Variants in ZNF521 observed in about 807,000 individuals in gnomAD.
ZNF521 encodes LYST-interacting protein 3.
In ZNF521, 14 loss-of-function variants were observed where a neutral mutation model predicts 105.5. That is an observed-to-expected ratio of 0.13 (90% confidence interval 0.09 to 0.21). The LOEUF (loss-of-function observed/expected upper bound fraction) is 0.21. Ranked by LOEUF, ZNF521 falls within the 10% of genes least tolerant of loss-of-function variation. ZNF521 has a pLI of 1.00. For missense variants in ZNF521, 1,233 were observed against 1,629.7 expected (o/e 0.76, Z 4.19); for synonymous variants, 635 against 606.0 (o/e 1.05, Z -0.70).
At chr18:25,139,032 G>A (rs1159536976) in intron 5 of ZNF521, among the ~76,000 whole-genome samples, 1 of 152,162 alleles carries the variant, frequency 6.6e-6, no homozygotes, top group African/African-American at 2.4e-5. Flanking sequence ...CTATATGCCT[G>A]TTGGGTTGTT....
intron 7 of ZNF521, among the ~76,000 whole-genome samples, chr18:25,083,245 C>T (rs2033543234): frequency 1.3e-5 from 2 of 152,144 alleles, no homozygotes; most frequent in Non-Finnish European, 1.5e-5. Context: ...CTCCTAATCA[C>T]TTGAAAAAGA....
At chr18:25,283,058 G>A (rs1910479593) in intron 3 of ZNF521, among the ~76,000 whole-genome samples, 1 of 152,204 alleles carries the variant, frequency 6.6e-6, no homozygotes, top group Admixed American at 6.5e-5. Flanking sequence ...GGAAGCAGCT[G>A]GTACCTCTTT....
intron 3 of ZNF521, among the ~76,000 whole-genome samples, chr18:25,287,606 G>GA (rs1165096292): frequency 0.024 from 3,029 of 126,686 alleles, 86 homozygotes; most frequent in African/African-American, 0.073. Context: ...GAGAAATTCA[G>GA]AAAAAAAAAA....
At chr18:25,336,954 A>T (rs1913925018) in intron 2 of ZNF521, among the ~76,000 whole-genome samples, 1 of 152,252 alleles carries the variant, frequency 6.6e-6, no homozygotes, top group African/African-American at 2.4e-5. Flanking sequence ...TCTTTGAATT[A>T]GGTACTAGTA....
intron 3 of ZNF521, among the ~76,000 whole-genome samples, chr18:25,316,918 G>T (rs998303296): frequency 6.9e-6 from 1 of 145,488 alleles, no homozygotes; most frequent in Non-Finnish European, 1.5e-5. Context: ...GCAATGACAC[G>T]ATATCAGCTC....
intron 5 of ZNF521, among the ~76,000 whole-genome samples, chr18:25,149,685 C>A (rs9967300): frequency 0.44 from 66,713 of 151,946 alleles, 14,849 homozygotes; most frequent in South Asian, 0.58. Context: ...TCTGTTGCAA[C>A]CTTTACTTCA....
chr18:25,224,194 TA>T, intron 4 of ZNF521, 150 bp downstream of exon 4: 1 of 746,698 alleles, frequency 1.3e-6, no homozygotes, highest in Non-Finnish European at 2.2e-6. Flanking sequence ...AATTGCTAGC[TA>T]ATGGCTATGG....
intron 5 of ZNF521, among the ~76,000 whole-genome samples, chr18:25,136,444 G>C (rs1040904954): frequency 3.9e-5 from 6 of 152,184 alleles, no homozygotes; most frequent in Admixed American, 1.3e-4. Context: ...ATTACTGTTA[G>C]GTGCTGCTCT....
chr18:25,111,217 AGTTTTCTTT>A (rs2034183707), intron 5 of ZNF521, among the ~76,000 whole-genome samples: 1 of 152,094 alleles, frequency 6.6e-6, no homozygotes, highest in Admixed American at 6.5e-5. Flanking sequence ...TTCCCTGCAA[AGTTTTCTTT>A]ATTTTACATT....
chr18:25,257,048 G>A (rs1342906135), intron 3 of ZNF521, among the ~76,000 whole-genome samples: 1 of 152,082 alleles, frequency 6.6e-6, no homozygotes, highest in Non-Finnish European at 1.5e-5. Flanking sequence ...AGGAAATGAG[G>A]CTAGATGGGG....
At chr18:25,231,100 C>T (rs553004597) in intron 3 of ZNF521, among the ~76,000 whole-genome samples, 3 of 152,262 alleles carry the variant, frequency 2.0e-5, no homozygotes, top group East Asian at 1.9e-4. Flanking sequence ...TTCCTAATTT[C>T]GCTGGCTGGC....
At chr18:25,300,184 G>C (rs796900808) in intron 3 of ZNF521, among the ~76,000 whole-genome samples, 10 of 152,308 alleles carry the variant, frequency 6.6e-5, no homozygotes, top group African/African-American at 2.2e-4. Context: ...TGACAGTACA[G>C]TCTGAGCTCC....
chr18:25,140,071 T>C (rs184674202), intron 5 of ZNF521, among the ~76,000 whole-genome samples: 21 of 152,294 alleles, frequency 1.4e-4, no homozygotes, highest in Admixed American at 5.2e-4. Flanking sequence ...TATAAGCCCC[T>C]AGTTTATGGT....
At chr18:25,339,209 A>G (rs757874331) in intron 2 of ZNF521, among the ~76,000 whole-genome samples, 4 of 152,236 alleles carry the variant, frequency 2.6e-5, no homozygotes, top group African/African-American at 4.8e-5. Flanking sequence ...GAGGCACATA[A>G]TATGTCTTCA....
Position 25,163,386 on chromosome 18 carries a change from G to C in ZNF521, c.3658+31774C>G, listed in dbSNP as rs796365325. Among the ~76,000 whole-genome samples, 7 of 152,240 alleles carry C rather than the reference G, an allele frequency of 4.6e-5. 1 individual carries two copies. The highest frequency in any genetic ancestry group is 1.7e-4 in the African/African-American group (7 of 41,532). On this transcript the variant is annotated intron_variant, in intron 5 of 7. Transcript: ENST00000361524. ...AAGATGGCTCAAAGATTTAAAAGTT[G>C]CTGGACACACTAATTAGAATTAAGA...
At chr18:25,300,680 C>T (rs974117316) in intron 3 of ZNF521, among the ~76,000 whole-genome samples, 4 of 152,024 alleles carry the variant, frequency 2.6e-5, no homozygotes, top group Admixed American at 1.3e-4. Context: ...TTGTGAAAAC[C>T]GCAATTACTT....
intron 5 of ZNF521, among the ~76,000 whole-genome samples, chr18:25,185,253 A>G (rs1835467806): frequency 6.6e-6 from 1 of 152,206 alleles, no homozygotes; most frequent in South Asian, 2.1e-4. Context: ...TTTTATTTAC[A>G]GTAAATTTGT....
chr18:25,135,729 G>A (rs1269403062), intron 5 of ZNF521, among the ~76,000 whole-genome samples: 1 of 152,160 alleles, frequency 6.6e-6, no homozygotes, highest in Admixed American at 6.6e-5. Context: ...GCTGATTGGA[G>A]AGCCCCAGGA....
intron 7 of ZNF521, chr18:25,082,502 A>G (rs540854326): frequency 6.9e-6 from 3 of 434,686 alleles, no homozygotes; most frequent in East Asian, 7.1e-5. Context: ...GAGGCAAGAC[A>G]TAACAGGGTT....
Sources: gnomAD v4.1 joint callset for allele counts (sites outside exome capture counted in the v4.1 genomes callset) on GRCh38, gnomAD v4.1.1 for gene constraint, MANE v1.5 for transcripts, NCBI Gene and HGNC (gene_info 2026-07-23, HGNC 2026-07-21) for gene names.